Variants in TECRL observed in about 807,000 individuals in gnomAD.
TECRL encodes the protein trans-2,3-enoyl-CoA reductase like.
TECRL carries 63 observed loss-of-function variants against 52.8 expected under a neutral mutation model. That is an observed-to-expected ratio of 1.19 (90% confidence interval 0.97 to 1.47). The LOEUF (loss-of-function observed/expected upper bound fraction) is 1.47, where lower values mean the gene tolerates loss of function less well. TECRL is among the 40% of genes most tolerant of loss of function. TECRL has a pLI of 0.00. For missense variants in TECRL, 482 were observed against 429.6 expected (o/e 1.12, Z -1.08); for synonymous variants, 164 against 141.9 (o/e 1.16, Z -1.10).
In TECRL at chr4:64,409,283, C is replaced by T. The variant is rs750932277; in HGVS notation, c.69G>A (p.Arg23=). 3 of 1,606,416 alleles carry T rather than the reference C, an allele frequency of 1.9e-6. No individual in the cohort carries two copies. The highest frequency in any genetic ancestry group is 2.6e-6 in the Non-Finnish European group (3 of 1,175,598). ...TTCTCATATCATCCTTCAGTATGAA[C>T]CGTGTAGCTCTTTGGGAAAGTAATG... The part of the protein sequence containing the change: ...KRALLSQRAT[R]FILKDDMRNF... Residue 23 remains arginine, a synonymous_variant, in exon 1 of 12, where the codon CGG becomes CGA. Transcript: ENST00000381210.
intron 1 of TECRL, among the ~76,000 whole-genome samples, chr4:64,392,350 T>C (rs1723603949): frequency 6.6e-6 from 1 of 151,886 alleles, no homozygotes; most frequent in Admixed American, 6.6e-5. Flanking sequence ...TCTACACTTC[T>C]GATCACCAAC....
At chr4:64,296,946 C>T (rs962814282) in intron 8 of TECRL, among the ~76,000 whole-genome samples, 3 of 151,420 alleles carry the variant, frequency 2.0e-5, no homozygotes, top group East Asian at 1.9e-4. Context: ...TTGTGATACC[C>T]GAACATATCT....
intron 2 of TECRL, among the ~76,000 whole-genome samples, chr4:64,344,750 C>T (rs1719831006): frequency 6.6e-6 from 1 of 152,160 alleles, no homozygotes; most frequent in Non-Finnish European, 1.5e-5. Flanking sequence ...AACAGAAAAA[C>T]AAAATGACAA....
intron 1 of TECRL, among the ~76,000 whole-genome samples, chr4:64,396,116 T>C (rs112282512): frequency 1.9e-4 from 29 of 150,080 alleles, no homozygotes; most frequent in African/African-American, 6.9e-4. Flanking sequence ...CTATTGTGAA[T>C]ACTGCTGTGA....
intron 1 of TECRL, among the ~76,000 whole-genome samples, chr4:64,390,054 G>C (rs147190399): frequency 2.8e-3 from 418 of 151,890 alleles, no homozygotes; most frequent in African/African-American, 9.4e-3. Flanking sequence ...TGTTCTCAAA[G>C]CTGCTGGTTC....
intron 1 of TECRL, among the ~76,000 whole-genome samples, chr4:64,379,247 T>C (rs62408525): frequency 4.1e-4 from 59 of 145,354 alleles, no homozygotes; most frequent in South Asian, 9.0e-4. Context: ...CACACACACA[T>C]ACACACACAC....
intron 1 of TECRL, among the ~76,000 whole-genome samples, chr4:64,386,911 C>T (rs563525895): frequency 2.0e-5 from 3 of 152,196 alleles, no homozygotes; most frequent in African/African-American, 4.8e-5. Flanking sequence ...TTTTTTACAA[C>T]GGATATATCT....
intron 1 of TECRL, among the ~76,000 whole-genome samples, chr4:64,382,214 TA>T (rs371210739): frequency 3.6e-4 from 1 of 2,772 alleles, no homozygotes; most frequent in East Asian, 0.056. Flanking sequence ...TATATATATA[TA>T]TATATATATA....
intron 1 of TECRL, among the ~76,000 whole-genome samples, chr4:64,389,717 A>T (rs1043513755): frequency 1.3e-5 from 2 of 151,910 alleles, no homozygotes; most frequent in African/African-American, 4.8e-5. Context: ...CAATTAATCC[A>T]TCTGGTCCTG....
chr4:64,296,947 G>T (rs974534519), intron 8 of TECRL, among the ~76,000 whole-genome samples: 1 of 151,304 alleles, frequency 6.6e-6, no homozygotes, highest in Admixed American at 6.6e-5. Flanking sequence ...TGTGATACCC[G>T]AACATATCTG....
chr4:64,298,330 G>T (rs986261591), intron 8 of TECRL, among the ~76,000 whole-genome samples: 2 of 150,802 alleles, frequency 1.3e-5, no homozygotes, highest in Admixed American at 1.3e-4. Context: ...TTTTTGCCTG[G>T]GGCTGTATGA....
chr4:64,302,628 A>T (rs1724087672), intron 7 of TECRL, among the ~76,000 whole-genome samples: 1 of 151,366 alleles, frequency 6.6e-6, no homozygotes, highest in South Asian at 2.1e-4. Context: ...GAGGGAAACT[A>T]TGTTGTAAGC....
At chr4:64,409,455 T>C, upstream of TECRL, 1 of 1,491,676 alleles carries the variant, frequency 6.7e-7, no homozygotes, top group Non-Finnish European at 8.9e-7. Context: ...AAAGGTCAAA[T>C]GGTATGCCAT....
At chr4:64,408,496 T>C (rs888660671) in intron 1 of TECRL, among the ~76,000 whole-genome samples, 2 of 152,040 alleles carry the variant, frequency 1.3e-5, no homozygotes, top group African/African-American at 4.8e-5. Context: ...TCTCATTCCT[T>C]AGTGCAACAC....
At chr4:64,407,031 C>G (rs939687945) in intron 1 of TECRL, among the ~76,000 whole-genome samples, 3 of 151,390 alleles carry the variant, frequency 2.0e-5, no homozygotes, top group African/African-American at 4.8e-5. Flanking sequence ...AAAAATTAAT[C>G]TAGAAGACTT....
At chr4:64,355,648 A>C (rs1720713615) in intron 2 of TECRL, among the ~76,000 whole-genome samples, 1 of 151,758 alleles carries the variant, frequency 6.6e-6, no homozygotes, top group South Asian at 2.1e-4. Flanking sequence ...AATCCAAAAA[A>C]AAAATTAGCC....
At chr4:64,298,717 T>G (rs1577825846) in intron 8 of TECRL, 1 of 151,088 alleles carries the variant, frequency 6.6e-6, no homozygotes, top group African/African-American at 2.4e-5. Flanking sequence ...TTTGAAAAAG[T>G]GGACAACATC....
chr4:64,299,036 A>T (rs1435570614), intron 8 of TECRL: 7 of 151,288 alleles, frequency 4.6e-5, no homozygotes, highest in Non-Finnish European at 8.9e-5. Context: ...TTCCAAATAC[A>T]TAAATAATCT....
At position 64,399,687 on chromosome 4, in the gene TECRL, G is replaced by A. The variant is rs556573137; in HGVS notation, c.234+9431C>T. ...CCTGGTGCAAAGGGACTTATGTACA[G>A]CTTGGGATGCTGCTTCAGGGAGTGT... On this transcript the variant is annotated intron_variant, in intron 1 of 11. Transcript: ENST00000381210. Among the ~76,000 whole-genome samples, 14 of 152,308 alleles carry A rather than the reference G, an allele frequency of 9.2e-5. No individual in the cohort carries two copies. The South Asian group carries it at 2.7e-3, about 29-fold the overall frequency.
Sources: allele counts gnomAD v4.1 joint callset (sites outside exome capture counted in the v4.1 genomes callset), GRCh38; gene constraint gnomAD v4.1.1; transcripts MANE v1.5; gene names NCBI Gene and HGNC (gene_info 2026-07-23, HGNC 2026-07-21).